The following PIK3CB variants were observed in gnomAD, a reference collection of about 807,000 sequenced individuals.
PIK3CB encodes the protein phosphatidylinositol-4,5-bisphosphate 3-kinase catalytic subunit beta, also known as phosphatidylinositol 4,5-bisphosphate 3-kinase catalytic subunit beta isoform.
PIK3CB carries 39 observed loss-of-function variants against 136.8 expected under a neutral mutation model. The observed-to-expected ratio is 0.29, with a 90% CI of 0.22 to 0.37. The LOEUF (loss-of-function observed/expected upper bound fraction) is 0.37, where lower values mean the gene tolerates loss of function less well. Ranked by LOEUF, PIK3CB falls within the 10% of genes least tolerant of loss-of-function variation. The pLI, the probability that PIK3CB is intolerant of heterozygous loss-of-function variation, is 1.00. For missense variants in PIK3CB, 868 were observed against 1,275.4 expected (o/e 0.68, Z 4.87); for synonymous variants, 428 against 436.6 (o/e 0.98, Z 0.25).
At chr3:138,764,831 T>C (rs1356635311) in intron 2 of PIK3CB, among the ~76,000 whole-genome samples, 5 of 152,154 alleles carry the variant, frequency 3.3e-5, no homozygotes, top group African/African-American at 9.7e-5. Context: ...CTGGAAACCT[T>C]CCCTGATACT....
At chr3:138,774,488 G>A (rs1194067006) in intron 2 of PIK3CB, among the ~76,000 whole-genome samples, 3 of 152,128 alleles carry the variant, frequency 2.0e-5, no homozygotes, top group Non-Finnish European at 4.4e-5. Context: ...AGTGGCAATG[G>A]GTCCAATAGA....
intron 2 of PIK3CB, among the ~76,000 whole-genome samples, chr3:138,768,190 C>T (rs1396546463): frequency 2.0e-5 from 3 of 147,212 alleles, no homozygotes; most frequent in Admixed American, 6.6e-5. Flanking sequence ...GCTGTCCTGA[C>T]ATCTGCTGCT....
chr3:138,829,143 T>G (rs931054925), intron 1 of PIK3CB, among the ~76,000 whole-genome samples: 1 of 151,562 alleles, frequency 6.6e-6, no homozygotes, highest in Non-Finnish European at 1.5e-5. Flanking sequence ...TCAAACAGAT[T>G]ATGACAGATA....
At chr3:138,718,718 G>C (rs954235553) in intron 8 of PIK3CB, among the ~76,000 whole-genome samples, 3 of 152,136 alleles carry the variant, frequency 2.0e-5, no homozygotes, top group Non-Finnish European at 4.4e-5. Context: ...GTTGACTTTT[G>C]TTTATGGTGT....
chr3:138,674,780 G>A (rs1218566213), intron 19 of PIK3CB, among the ~76,000 whole-genome samples: 2 of 152,176 alleles, frequency 1.3e-5, no homozygotes, highest in Non-Finnish European at 2.9e-5. Flanking sequence ...ATAAGGTTGG[G>A]GGCGGTGGCT....
At chr3:138,699,222 A>G in intron 12 of PIK3CB, 127 bp from the exon 13 acceptor site, 1 of 260,570 alleles carries the variant, frequency 3.8e-6, no homozygotes, top group South Asian at 2.4e-4. Flanking sequence ...ATATAATTCC[A>G]TAAAAAAAAA....
chr3:138,709,162 A>C (rs1471995535), intron 10 of PIK3CB, among the ~76,000 whole-genome samples: 1 of 152,236 alleles, frequency 6.6e-6, no homozygotes, highest in Non-Finnish European at 1.5e-5. Context: ...TGTAATGATA[A>C]GAATTATAAA....
intron 1 of PIK3CB, among the ~76,000 whole-genome samples, chr3:138,828,810 C>A (rs568876675): frequency 6.6e-6 from 1 of 151,724 alleles, no homozygotes; most frequent in Non-Finnish European, 1.5e-5. Flanking sequence ...TTTTCTGAGA[C>A]GGAGTTTCAC....
At chr3:138,669,407 C>CAAAAAAAA (rs10605665) in intron 19 of PIK3CB, among the ~76,000 whole-genome samples, 1 of 81,450 alleles carries the variant, frequency 1.2e-5, no homozygotes, top group African/African-American at 4.9e-5. Context: ...GACCCTGTTT[C>CAAAAAAAA]AAAAAAAAAA....
intron 1 of PIK3CB, among the ~76,000 whole-genome samples, chr3:138,824,452 G>C (rs566840406): frequency 2.0e-4 from 31 of 152,144 alleles, no homozygotes; most frequent in Non-Finnish European, 4.6e-4. Flanking sequence ...CCAGTTAAAG[G>C]GTCAACCTCA....
At chr3:138,665,664 C>A (rs1174564978) in intron 19 of PIK3CB, among the ~76,000 whole-genome samples, 1 of 152,184 alleles carries the variant, frequency 6.6e-6, no homozygotes, top group South Asian at 2.1e-4. Context: ...TACTTGCCAG[C>A]CTCCAGCCAT....
intron 19 of PIK3CB, among the ~76,000 whole-genome samples, chr3:138,676,106 TATAAC>T (rs1384775634): frequency 5.9e-5 from 9 of 152,116 alleles, no homozygotes; most frequent in Non-Finnish European, 1.3e-4. Context: ...AAAGAATTCT[TATAAC>T]TTAACAATAA....
intron 1 of PIK3CB, among the ~76,000 whole-genome samples, chr3:138,827,284 T>A (rs187634601): frequency 8.7e-4 from 132 of 152,296 alleles, no homozygotes; most frequent in African/African-American, 3.1e-3. Context: ...CTCGTTTTTG[T>A]CATTAATTGC....
chr3:138,722,083 G>A (rs75789458), intron 8 of PIK3CB, among the ~76,000 whole-genome samples: 2,149 of 151,218 alleles, frequency 0.014, 46 homozygotes, highest in Middle Eastern at 0.045. Context: ...TAATCACACA[G>A]GATCTAATAT....
chr3:138,740,713 C>A (rs1248881489), intron 5 of PIK3CB, among the ~76,000 whole-genome samples: 1 of 151,906 alleles, frequency 6.6e-6, no homozygotes, highest in East Asian at 1.9e-4. Flanking sequence ...AGTGTGGTGG[C>A]GCAATCTGGG....
intron 8 of PIK3CB, among the ~76,000 whole-genome samples, chr3:138,728,318 T>A (rs1314777727): frequency 1.3e-5 from 2 of 152,092 alleles, no homozygotes. Context: ...AAGAAAGACA[T>A]TACAAGTCAA....
intron 2 of PIK3CB, among the ~76,000 whole-genome samples, chr3:138,781,870 C>A (rs1189552972): frequency 6.6e-6 from 1 of 152,074 alleles, no homozygotes; most frequent in Non-Finnish European, 1.5e-5. Flanking sequence ...TACAGAAGGC[C>A]ACGTTAATGC....
chr3:138,676,060 A>C (rs1056126313), intron 19 of PIK3CB, among the ~76,000 whole-genome samples: 2 of 152,348 alleles, frequency 1.3e-5, no homozygotes, highest in Admixed American at 1.3e-4. Context: ...ATTTGCAAAT[A>C]ATTTATCTAA....
chr3:138,745,403 T>TG lies in PIK3CB; in HGVS notation c.398-2623dup, dbSNP rs145959061. 3.1e-3 allele frequency among the ~76,000 whole-genome samples: 477 copies of TG among 152,014 alleles called. 2 individuals are homozygous for TG. Among genetic ancestry groups the TG allele is most frequent in the African/African-American group, 9.4e-3 (390 of 41,468 alleles). On this transcript the variant is annotated intron_variant, in intron 4 of 23. Transcript: ENST00000674063. ...ATCCTAGCACTTTGGGAGGCCAAGG[T>TG]GGGGGGATCACTTGAGGTCAGGAGT...
Sources: allele counts gnomAD v4.1 joint callset (sites outside exome capture counted in the v4.1 genomes callset), GRCh38; gene constraint gnomAD v4.1.1; transcripts MANE v1.5; gene names NCBI Gene and HGNC (gene_info 2026-07-23, HGNC 2026-07-21).